The following NTM variants were observed in gnomAD, a reference collection of about 807,000 sequenced individuals.
NTM encodes neurotrimin, also known as IgLON family member 2.
In NTM, 13 loss-of-function variants were observed where a neutral mutation model predicts 42.1. The ratio of observed to expected loss-of-function variants is 0.31; its 90% confidence interval spans 0.20 to 0.49. The LOEUF is 0.49. Ranked by LOEUF, NTM falls within the 20% of genes least tolerant of loss-of-function variation. The pLI is 0.99. For missense variants in NTM, 373 were observed against 452.8 expected, an observed-to-expected ratio of 0.82 and a Z score of 1.60; for synonymous variants, 187 against 179.2, an observed-to-expected ratio of 1.04 and a Z score of -0.35.
chr11:132,300,473 A>G (rs2094802399), intron 4 of NTM, among the ~76,000 whole-genome samples: 1 of 152,212 alleles, frequency 6.6e-6, no homozygotes, highest in African/African-American at 2.4e-5. Context: ...AGAGCTCATC[A>G]CTGCCCCCAC....
At chr11:131,929,007 C>T (rs554913117) in intron 2 of NTM, among the ~76,000 whole-genome samples, 12 of 152,354 alleles carry the variant, frequency 7.9e-5, no homozygotes, top group Non-Finnish European at 1.3e-4. Flanking sequence ...ATTATTTCTT[C>T]AGGAAAGAAA....
chr11:132,008,224 G>A (rs911768351), intron 2 of NTM, among the ~76,000 whole-genome samples: 7 of 152,162 alleles, frequency 4.6e-5, no homozygotes, highest in South Asian at 4.2e-4. Context: ...TTTACCCCTC[G>A]CCACTTATGG....
chr11:132,072,690 T>C (rs1211745654), intron 2 of NTM, among the ~76,000 whole-genome samples: 1 of 152,172 alleles, frequency 6.6e-6, no homozygotes, highest in Non-Finnish European at 1.5e-5. Context: ...ATTTTTAGTT[T>C]TACTCAAGAC....
chr11:131,886,705 G>A (rs1330038242), intron 1 of NTM, among the ~76,000 whole-genome samples: 2 of 152,198 alleles, frequency 1.3e-5, no homozygotes, highest in Non-Finnish European at 2.9e-5. Context: ...GAGCTTGAGG[G>A]AGCTTTCCTA....
At chr11:131,868,640 C>G (rs569330663) in intron 1 of NTM, among the ~76,000 whole-genome samples, 1 of 152,170 alleles carries the variant, frequency 6.6e-6, no homozygotes, top group Non-Finnish European at 1.5e-5. Context: ...TTGCGATGTC[C>G]GTGCACACCC....
chr11:131,863,441 T>C (rs2046844682), intron 1 of NTM, among the ~76,000 whole-genome samples: 1 of 152,134 alleles, frequency 6.6e-6, no homozygotes. Context: ...AGTCAGACTG[T>C]CATTGAGAAG....
chr11:132,221,755 G>C (rs2085205437), intron 4 of NTM, among the ~76,000 whole-genome samples: 1 of 152,202 alleles, frequency 6.6e-6, no homozygotes, highest in Admixed American at 6.5e-5. Flanking sequence ...AATTCTCATG[G>C]AGGTCCTAAT....
At chr11:131,840,122 A>G (rs956091975) in intron 1 of NTM, among the ~76,000 whole-genome samples, 1 of 152,168 alleles carries the variant, frequency 6.6e-6, no homozygotes, top group Non-Finnish European at 1.5e-5. Context: ...GCGATTGCAT[A>G]TACACTCCTG....
chr11:131,524,912 T>C (rs181703019), intron 1 of NTM, among the ~76,000 whole-genome samples: 23 of 152,310 alleles, frequency 1.5e-4, no homozygotes, highest in African/African-American at 4.1e-4. Context: ...AAGGGGTCAA[T>C]AGTTCTTGCC....
At chr11:132,261,530 T>G (rs890663360) in intron 4 of NTM, among the ~76,000 whole-genome samples, 1 of 152,228 alleles carries the variant, frequency 6.6e-6, no homozygotes, top group African/African-American at 2.4e-5. Flanking sequence ...CTTCTTTGTT[T>G]AGTCAGAATT....
At chr11:131,833,567 C>T (rs1436948138) in intron 1 of NTM, among the ~76,000 whole-genome samples, 3 of 152,222 alleles carry the variant, frequency 2.0e-5, no homozygotes, top group Non-Finnish European at 4.4e-5. Flanking sequence ...GTAGCTCACA[C>T]ATGAGTCAGG....
intron 1 of NTM, among the ~76,000 whole-genome samples, chr11:131,599,878 G>C (rs1217118476): frequency 6.6e-6 from 1 of 152,222 alleles, no homozygotes; most frequent in Admixed American, 6.5e-5. Context: ...TGCAAGTCAG[G>C]AATCCTGCCT....
At chr11:132,094,933 T>C (rs1328442349) in intron 2 of NTM, among the ~76,000 whole-genome samples, 1 of 152,164 alleles carries the variant, frequency 6.6e-6, no homozygotes, top group African/African-American at 2.4e-5. Flanking sequence ...TTACAGTCAG[T>C]CTCAGCAAGG....
chr11:131,650,103 G>A (rs932792428), intron 1 of NTM, among the ~76,000 whole-genome samples: 25 of 152,292 alleles, frequency 1.6e-4, no homozygotes, highest in Admixed American at 1.4e-3. Context: ...GAGGTGTAAT[G>A]CTGTCTAACA....
chr11:131,539,623 G>T (rs1462134393), intron 1 of NTM: 2 of 152,278 alleles, frequency 1.3e-5, no homozygotes, highest in African/African-American at 4.8e-5. Context: ...ATGACAAGAA[G>T]AAGTGGGCTC....
intron 1 of NTM, among the ~76,000 whole-genome samples, chr11:131,500,223 C>T (rs1193231247): frequency 1.3e-5 from 2 of 152,152 alleles, no homozygotes; most frequent in South Asian, 2.1e-4. Context: ...GAGAAGTACG[C>T]GGACTCAAGC....
At chr11:131,607,034 T>A (rs2061027988) in intron 1 of NTM, among the ~76,000 whole-genome samples, 1 of 152,226 alleles carries the variant, frequency 6.6e-6, no homozygotes, top group Non-Finnish European at 1.5e-5. Flanking sequence ...TTCTGGGTAA[T>A]CCCCTTTGAT....
intron 1 of NTM, among the ~76,000 whole-genome samples, chr11:131,712,965 G>C (rs1303452226): frequency 6.6e-6 from 1 of 152,162 alleles, no homozygotes; most frequent in Non-Finnish European, 1.5e-5. Context: ...GAAAAGAAAA[G>C]AGCAGCAAGC....
intron 1 of NTM, among the ~76,000 whole-genome samples, chr11:131,406,589 G>A (rs1323355657): frequency 2.6e-5 from 4 of 152,012 alleles, no homozygotes; most frequent in South Asian, 2.1e-4. Flanking sequence ...TATAACATAT[G>A]ATAATGTTTA....
Sources: gnomAD v4.1 joint callset for allele counts (sites outside exome capture counted in the v4.1 genomes callset) on GRCh38, gnomAD v4.1.1 for gene constraint, MANE v1.5 for transcripts, NCBI Gene and HGNC (gene_info 2026-07-23, HGNC 2026-07-21) for gene names.